RAI14: variants seen among roughly 807,000 people sequenced by gnomAD.
RAI14 encodes the protein ankycorbin.
RAI14 carries 45 observed loss-of-function variants against 115.4 expected under a neutral mutation model. That is an observed-to-expected ratio of 0.39 (90% CI 0.31 to 0.50). RAI14 has a LOEUF of 0.50. Ranked by LOEUF, RAI14 falls within the 20% of genes least tolerant of loss-of-function variation. The pLI, the probability that RAI14 is intolerant of heterozygous loss-of-function variation, is 0.85. For missense variants in RAI14, 939 were observed against 1,131.2 expected, an observed-to-expected ratio of 0.83 and a Z score of 2.44; for synonymous variants, 371 against 415.4, an observed-to-expected ratio of 0.89 and a Z score of 1.30.
At chr5:34,756,611 C>G (rs1319919868) in intron 2 of RAI14, among the ~76,000 whole-genome samples, 3 of 152,180 alleles carry the variant, frequency 2.0e-5, no homozygotes, top group Non-Finnish European at 2.9e-5. Context: ...TTCAACACCT[C>G]CCAATGACTC....
At chr5:34,788,064 G>GT (rs1490746413) in intron 3 of RAI14, among the ~76,000 whole-genome samples, 1 of 151,454 alleles carries the variant, frequency 6.6e-6, no homozygotes, top group Non-Finnish European at 1.5e-5. Flanking sequence ...CTACAAGCAT[G>GT]TGCTACCACA....
chr5:34,830,980 TG>T lies in RAI14; in HGVS notation c.*216del. On this transcript the variant is annotated 3_prime_UTR_variant, in exon 18 of 18. Coordinates refer to ENST00000265109, the MANE Select transcript of RAI14 (RefSeq NM_015577.3). Reference sequence around the variant, plus strand: ...TCAAACCAGCAGAGGTGAAAGTCCCTGTCATCCCTTCAGATTCCAGAGCTGG... The same window carrying T: ...TCAAACCAGCAGAGGTGAAAGTCCCTTCATCCCTTCAGATTCCAGAGCTGG... 1 of 796,106 alleles carries T rather than the reference TG, an allele frequency of 1.3e-6. No homozygotes were observed. Among genetic ancestry groups the T allele is most frequent in the Non-Finnish European group, 1.8e-6 (1 of 551,510 alleles). 49.3% of individuals were successfully genotyped at this position (796,106 alleles called of 1,614,324 possible). A position where few individuals can be genotyped will look rare whatever the true frequency, so the allele number is the denominator to read the frequency against.
At chr5:34,756,228 T>C (rs940931936) in intron 2 of RAI14, among the ~76,000 whole-genome samples, 10 of 152,308 alleles carry the variant, frequency 6.6e-5, no homozygotes, top group Middle Eastern at 3.4e-3. Flanking sequence ...GTACAGAGAT[T>C]GGGAACATAC....
At chr5:34,756,577 C>G (rs2150089075) in intron 2 of RAI14, among the ~76,000 whole-genome samples, 1 of 152,322 alleles carries the variant, frequency 6.6e-6, no homozygotes, top group East Asian at 1.9e-4. Context: ...TTCCTCCCCT[C>G]TTTCCCTCAT....
At chr5:34,705,048 C>T (rs1225779988) in intron 2 of RAI14, among the ~76,000 whole-genome samples, 1 of 152,206 alleles carries the variant, frequency 6.6e-6, no homozygotes, top group East Asian at 1.9e-4. Context: ...CCCACCTCAC[C>T]TCCTGAGTAG....
intron 2 of RAI14, among the ~76,000 whole-genome samples, chr5:34,743,011 A>G (rs1015683090): frequency 6.6e-6 from 1 of 152,150 alleles, no homozygotes; most frequent in East Asian, 1.9e-4. Context: ...ATTTTGAACA[A>G]ACAGGAAACA....
chr5:34,678,216 G>C (rs994984397), intron 1 of RAI14, among the ~76,000 whole-genome samples: 1 of 151,976 alleles, frequency 6.6e-6, no homozygotes, highest in Non-Finnish European at 1.5e-5. Context: ...TCATGCCTCA[G>C]CCTCCCGAGT....
chr5:34,759,259 T>C (rs1195770701), intron 3 of RAI14, among the ~76,000 whole-genome samples: 1 of 151,334 alleles, frequency 6.6e-6, no homozygotes, highest in Non-Finnish European at 1.5e-5. Context: ...CAAGACTCTG[T>C]ATCAAAGGGA....
intron 2 of RAI14, among the ~76,000 whole-genome samples, chr5:34,691,196 C>T (rs776775824): frequency 1.3e-4 from 19 of 151,956 alleles, no homozygotes; most frequent in Non-Finnish European, 4.4e-5. Flanking sequence ...CAGCTTGCAG[C>T]ACAGCGGGTT....
chr5:34,809,685 T>C (rs533348390), intron 7 of RAI14, among the ~76,000 whole-genome samples: 139 of 152,230 alleles, frequency 9.1e-4, no homozygotes, highest in African/African-American at 3.2e-3. Context: ...CAGCATATAT[T>C]TCCTATATAG....
chr5:34,687,554 G>A (rs1025631657), intron 2 of RAI14: 1 of 1,430,168 alleles, frequency 7.0e-7, no homozygotes, highest in East Asian at 2.6e-5. Flanking sequence ...TCCCCCAGGA[G>A]AAGAGGGAGA....
Position 34,826,394 on chromosome 5 carries a change from C to T in RAI14, c.2714C>T (p.Ser905Phe), listed in dbSNP as rs557109114. ...GCCTTGAACAGCCTCTCCCAGCTCTCCTACTCAACAAGCTCATCCAAAAGG... is the reference window on the plus strand; with the variant it reads ...GCCTTGAACAGCCTCTCCCAGCTCTTCTACTCAACAAGCTCATCCAAAAGG... ...KEALNSLSQL[S>F]YSTSSSKRQS... Residue 905 changes from serine to phenylalanine, a missense_variant, in exon 16 of 18, where the codon TCC (serine) becomes TTC (phenylalanine). Physicochemically the swap from Ser to Phe is radical, Grantham distance 155. Transcript: ENST00000265109. 1.2e-6 allele frequency: 2 copies of T among 1,614,110 alleles called. No individual in the cohort carries two copies. The highest frequency in any genetic ancestry group is 2.2e-5 in the South Asian group (2 of 91,072).
rs796967567 is a variant in RAI14 at position 34,827,162 on chromosome 5, G to A, written c.2799+683G>A. ...GCTCATGGCCCCTTACTCCATCTTCGAGGCACATCACTCCAGCATCTGCTC... is the reference window on the plus strand; with the variant it reads ...GCTCATGGCCCCTTACTCCATCTTCAAGGCACATCACTCCAGCATCTGCTC... On this transcript the variant is annotated intron_variant, in intron 16 of 17. Transcript: ENST00000265109. The surrounding 1 kb of genome is among the most constrained non-coding windows in gnomAD (Gnocchi z 4.2). Among the ~76,000 whole-genome samples the A allele has an allele frequency of 1.3e-5, 2 of 151,780 alleles. No individual in the cohort carries two copies. Among genetic ancestry groups the A allele is most frequent in the East Asian group, 1.9e-4 (1 of 5,176 alleles).
At chr5:34,687,879 A>G (rs1253890790) in intron 2 of RAI14, among the ~76,000 whole-genome samples, 2 of 152,174 alleles carry the variant, frequency 1.3e-5, no homozygotes, top group East Asian at 1.9e-4. Flanking sequence ...TATGGCTGAT[A>G]TGTAACTTGC....
intron 1 of RAI14, among the ~76,000 whole-genome samples, chr5:34,663,939 C>T (rs73089112): frequency 0.028 from 4,321 of 152,202 alleles, 206 homozygotes; most frequent in African/African-American, 0.098. Flanking sequence ...ACCTTACTTG[C>T]GATCTAGGCC....
chr5:34,826,960 C>T (rs1757514630), intron 16 of RAI14, among the ~76,000 whole-genome samples: 1 of 152,168 alleles, frequency 6.6e-6, no homozygotes, highest in Non-Finnish European at 1.5e-5. Context: ...CAAATCACCA[C>T]AAATTTGGTT....
intron 2 of RAI14, among the ~76,000 whole-genome samples, chr5:34,706,690 G>A (rs1249222048): frequency 6.6e-6 from 1 of 152,068 alleles, no homozygotes; most frequent in Non-Finnish European, 1.5e-5. Context: ...ATTCTTTGTT[G>A]CTGCCTCCTA....
At chr5:34,707,446 G>A (rs190636888) in intron 2 of RAI14, among the ~76,000 whole-genome samples, 12 of 152,278 alleles carry the variant, frequency 7.9e-5, no homozygotes, top group African/African-American at 2.4e-4. Context: ...CCAGCCTGGC[G>A]ACAGAGCGAG....
intron 3 of RAI14, among the ~76,000 whole-genome samples, chr5:34,777,979 A>T (rs1467479415): frequency 6.6e-6 from 1 of 152,226 alleles, no homozygotes; most frequent in African/African-American, 2.4e-5. Flanking sequence ...TGTCTTGTCT[A>T]TTGTAAAGTA....
Sources: allele counts gnomAD v4.1 joint callset (sites outside exome capture counted in the v4.1 genomes callset), GRCh38; gene constraint gnomAD v4.1.1; non-coding constraint Gnocchi (gnomAD v3.1); transcripts MANE v1.5; gene names NCBI Gene and HGNC (gene_info 2026-07-23, HGNC 2026-07-21).